PLEKHH1: variants seen among roughly 807,000 people sequenced by gnomAD.
PLEKHH1 encodes pleckstrin homology domain-containing family H member 1.
In PLEKHH1, 104 loss-of-function variants were observed where a neutral mutation model predicts 160.0. The ratio of observed to expected loss-of-function variants is 0.65; its 90% CI spans 0.55 to 0.76. The LOEUF (loss-of-function observed/expected upper bound fraction) is 0.76. Among genes scored for constraint, PLEKHH1 ranks in the 30% least tolerant of loss-of-function variants. The probability of loss-of-function intolerance (pLI) is 0.00; values close to 1 mark genes in which losing one functional copy is unlikely to be tolerated. For synonymous variants in PLEKHH1, 619 were observed against 678.4 expected (o/e 0.91, Z 1.36); for missense variants, 1,427 against 1,724.1 (o/e 0.83, Z 3.05).
chr14:67,578,470 G>T lies in PLEKHH1; in HGVS notation c.2752-64G>T. 1 of 1,144,142 alleles carries T rather than the reference G, an allele frequency of 8.7e-7. No homozygotes were observed. The highest frequency in any genetic ancestry group is 2.5e-5 in the East Asian group (1 of 39,954). 70.9% of individuals were successfully genotyped at this position (1,144,142 alleles called of 1,614,324 possible). The stretch of plus-strand genomic sequence containing the variant: ...GAGTGCTGAAGGCTCTGTAGCTCAG[G>T]GCTATGAGGACAGGTGGTGCTGTAG... On this transcript the variant is annotated intron_variant, in intron 19 of 28. Transcript: ENST00000329153. This position sits in a 1 kb window ranked among gnomAD's most constrained non-coding sequence, Gnocchi z 5.0.
rs765012499 is a variant in PLEKHH1, at chr14:67,562,498, T to C, written c.867T>C (p.Ala289=). 8 of 1,612,388 alleles carry C rather than the reference T, an allele frequency of 5.0e-6. No individual in the cohort carries two copies. The South Asian group carries it at 8.8e-5, about 18-fold the overall frequency. ...CCTGGGGTGAGGGTCTGGTTACTGC[T>C]CAGAGAGGGATGCTCCCTGGGACAA... is the stretch of plus-strand genomic sequence containing the variant. The part of the protein sequence containing the change: ...SASWGEGLVT[A]QRGMLPGTKT... The change falls in exon 7 of 29, where the codon GCT becomes GCC. Residue 289 remains alanine (A), a synonymous_variant. Coordinates refer to ENST00000329153, the MANE Select transcript of PLEKHH1 (RefSeq NM_020715.3).
At position 67,569,155 on chromosome 14, in the gene PLEKHH1, T is replaced by A; in HGVS notation, c.1281T>A (p.Ala427=). Reference sequence around the variant, plus strand: ...TGTTTCAGGAGAGCCGGATCTATGCTGTGGCCACATCGGGCATGCGGCTCT... The same window carrying A: ...TGTTTCAGGAGAGCCGGATCTATGCAGTGGCCACATCGGGCATGCGGCTCT... ...QFSSWESRIY[A]VATSGMRLSD... The change falls in exon 8 of 29, where the codon GCT becomes GCA. Residue 427 remains alanine, a synonymous_variant. Transcript: ENST00000329153. The A allele has an allele frequency of 6.2e-7, 1 of 1,612,534 alleles. No homozygotes were observed. Among genetic ancestry groups the A allele is most frequent in the Middle Eastern group, 1.7e-4 (1 of 6,056 alleles).
intron 26 of PLEKHH1, among the ~76,000 whole-genome samples, chr14:67,584,825 C>T (rs1423373760): frequency 6.6e-6 from 1 of 152,064 alleles, no homozygotes; most frequent in Non-Finnish European, 1.5e-5. Flanking sequence ...ATTTTTTTCT[C>T]TATGTATTTA....
At chr14:67,559,503 A>T in intron 4 of PLEKHH1, 105 bp from the exon 5 acceptor site, 1 of 700,314 alleles carries the variant, frequency 1.4e-6, no homozygotes, top group Non-Finnish European at 2.6e-6. Context: ...TGGCTTTGCG[A>T]GGTCAGTGGC....
At chr14:67,558,010 C>G (rs1403892041) in intron 4 of PLEKHH1, among the ~76,000 whole-genome samples, 1 of 152,224 alleles carries the variant, frequency 6.6e-6, no homozygotes, top group Non-Finnish European at 1.5e-5. Flanking sequence ...CCTCAGAAAA[C>G]CAGGGTCTTC....
chr14:67,553,924 G>A (rs933951782), intron 2 of PLEKHH1, among the ~76,000 whole-genome samples: 7 of 152,184 alleles, frequency 4.6e-5, no homozygotes, highest in African/African-American at 9.7e-5. Flanking sequence ...AGGAAAGAAG[G>A]GATGTGGGTA....
At position 67,589,603 on chromosome 14, in the gene PLEKHH1, T is replaced by C. The variant is rs2036305925; in HGVS notation, c.*2368T>C. Reference sequence around the variant, plus strand: ...TAAGCCCTGTACAGAACACAGGCACTAGGTTGACAGACTCGTCTTTTGTAG... The same window carrying C: ...TAAGCCCTGTACAGAACACAGGCACCAGGTTGACAGACTCGTCTTTTGTAG... On this transcript the variant is annotated 3_prime_UTR_variant, in exon 29 of 29. Transcript: ENST00000329153. The C allele has an allele frequency of 4.1e-6, 4 of 986,026 alleles. No individual in the cohort carries two copies. Among genetic ancestry groups the C allele is most frequent in the Admixed American group, 1.2e-4 (2 of 16,462 alleles). 61.1% of individuals were successfully genotyped at this position (986,026 alleles called of 1,614,324 possible).
intron 26 of PLEKHH1, 176 bp from the exon 27 acceptor site, chr14:67,585,392 G>A: frequency 3.4e-6 from 2 of 582,426 alleles, no homozygotes; most frequent in Non-Finnish European, 6.1e-6. Flanking sequence ...CCTGTCACAA[G>A]CAGCCTTGTC....
In PLEKHH1 at chr14:67,562,671, A is replaced by C; in HGVS notation, c.1040A>C (p.Asn347Thr). 6.2e-7 allele frequency: 1 copy of C among 1,612,622 alleles called. No individual in the cohort carries two copies. Among genetic ancestry groups the C allele is most frequent in the Non-Finnish European group, 8.5e-7 (1 of 1,179,368 alleles). Residue 347 changes from asparagine (N) to threonine (T), a missense_variant, in exon 7 of 29, where the codon AAC (asparagine) becomes ACC (threonine). By Grantham distance (65) the Asn-to-Thr change is moderately conservative (BLOSUM62 0). Transcript: ENST00000329153. The stretch of plus-strand genomic sequence containing the variant: ...CATGGGCACTTTGGCCGTGTGGTGA[A>C]CATTGAGACTGAGGCCTTCTCAGCC... ...VGHGHFGRVV[N>T]IETEAFSALH...
chr14:67,576,073 T>A lies in PLEKHH1; in HGVS notation c.2352+68T>A. On this transcript the variant is annotated intron_variant, in intron 16 of 28. Transcript: ENST00000329153. The surrounding 1 kb of genome is among the most constrained non-coding windows in gnomAD (Gnocchi z 4.0). ...TGATTCTGATCTTCCCTTCTCTCTT[T>A]CTCCTGAGCTTCCCAAAATTCAAAT... The A allele has an allele frequency of 1.6e-6, 2 of 1,262,430 alleles. No individual in the cohort carries two copies. Among genetic ancestry groups the A allele is most frequent in the Non-Finnish European group, 2.2e-6 (2 of 900,598 alleles). 78.2% of individuals were successfully genotyped at this position (1,262,430 alleles called of 1,614,324 possible).
chr14:67,579,493 A>C, intron 21 of PLEKHH1, 182 bp downstream of exon 21: 1 of 662,906 alleles, frequency 1.5e-6, no homozygotes, highest in South Asian at 2.3e-5. Context: ...GGGCCTCCAA[A>C]AGATTGTTGG....
rs1218289253 is a variant in PLEKHH1 at position 67,562,701 on chromosome 14, AC to A, written c.1074del (p.Ser359LeufsTer118). 6.2e-7 allele frequency: 1 copy of A among 1,612,620 alleles called. No homozygotes were observed. Among genetic ancestry groups the A allele is most frequent in the East Asian group, 2.2e-5 (1 of 44,830 alleles). On this transcript the variant is annotated frameshift_variant, in exon 7 of 29. Coordinates refer to ENST00000329153, the MANE Select transcript of PLEKHH1 (RefSeq NM_020715.3). LOFTEE classifies it high-confidence loss of function. ...NIETEAFSAL[H>X]PSGLPELESR... ...GAGACTGAGGCCTTCTCAGCCCTCC[AC>A]CCCTCTGGCCTTCCTGAGCTGGAGT...
rs1177396439 is a variant in PLEKHH1, at chr14:67,588,045, A to C, written c.*810A>C. ...AAAAAGAATAGACTCATTTTTCCCC[A>C]TTATTGGTATGTAGGCATTGGTACA... On this transcript the variant is annotated 3_prime_UTR_variant, in exon 29 of 29. Transcript: ENST00000329153. The C allele has an allele frequency of 6.6e-6, 1 of 152,570 alleles. No individual in the cohort carries two copies. The highest frequency in any genetic ancestry group is 1.5e-5 in the Non-Finnish European group (1 of 68,028). The allele number at this position is 152,570 out of a possible 1,614,324, so 9.5% of individuals were successfully genotyped here.
Position 67,583,731 on chromosome 14 carries a change from T to C in PLEKHH1, c.3427-10T>C, listed in dbSNP as rs775624185. On this transcript the variant is annotated splice_polypyrimidine_tract_variant and intron_variant, in intron 24 of 28. Coordinates refer to ENST00000329153, the MANE Select transcript of PLEKHH1 (RefSeq NM_020715.3). ...ATTTTGACTGGTCTCTTCATATGCT[T>C]CTACCACAGGTAGAATATGGGGACT... 6.2e-7 allele frequency: 1 copy of C among 1,608,398 alleles called. No homozygotes were observed. The highest frequency in any genetic ancestry group is 1.7e-5 in the Admixed American group (1 of 59,282).
At chr14:67,562,926 G>A in intron 7 of PLEKHH1, 32 bp downstream of exon 7, 4 of 1,594,904 alleles carry the variant, frequency 2.5e-6, no homozygotes, top group Non-Finnish European at 2.6e-6. Context: ...GGGCAGAGGA[G>A]CAGAGCTAAT....
chr14:67,562,817 G>T lies in PLEKHH1; in HGVS notation c.1186G>T (p.Ala396Ser), dbSNP rs2034904810. 1 of 1,613,818 alleles carries T rather than the reference G, an allele frequency of 6.2e-7. No individual in the cohort carries two copies. Among genetic ancestry groups the T allele is most frequent in the Admixed American group, 1.7e-5 (1 of 60,002 alleles). ...GAATGAGGAAAGAGAGAGCCCAAAG[G>T]CCCTTGGAGCTGAGCTGGAGGAAGT... ...GKNEERESPK[A>S]LGAELEEVEL... Residue 396 changes from alanine to serine, a missense_variant, in exon 7 of 29, where the codon GCC becomes TCC. Physicochemically the swap from Ala to Ser is moderately conservative, Grantham distance 99. This residue lies in a region of PLEKHH1 where 831 missense variants were observed against 929.2 expected (regional missense o/e 0.89). Coordinates refer to ENST00000329153, the MANE Select transcript of PLEKHH1 (RefSeq NM_020715.3).
chr14:67,572,889 G>A (rs2140476049), intron 11 of PLEKHH1, among the ~76,000 whole-genome samples: 1 of 152,274 alleles, frequency 6.6e-6, no homozygotes, highest in Non-Finnish European at 1.5e-5. Flanking sequence ...CCTGCTCTGT[G>A]CTGCCTGGAA....
chr14:67,543,863 G>GA (rs1011247578), intron 2 of PLEKHH1, among the ~76,000 whole-genome samples: 1 of 152,086 alleles, frequency 6.6e-6, no homozygotes, highest in Non-Finnish European at 1.5e-5. Flanking sequence ...GCTGAGCACA[G>GA]AAAAAAGTAA....
Position 67,578,117 on chromosome 14 carries a change from AC to A in PLEKHH1, c.2673del (p.Glu892SerfsTer11). ...AQTALQVCLV[H>X]PELQSEIYCQ... ...ACCGCACTGCAGGTCTGCCTGGTTCACCCCGAGCTGCAGAGTGAGATCTACT... is the reference window on the plus strand; with the variant it reads ...ACCGCACTGCAGGTCTGCCTGGTTCACCCGAGCTGCAGAGTGAGATCTACT... On this transcript the variant is annotated frameshift_variant, in exon 19 of 29. Transcript: ENST00000329153. LOFTEE classifies it high-confidence loss of function. The surrounding 1 kb of genome is among the most constrained non-coding windows in gnomAD (Gnocchi z 5.0). The A allele has an allele frequency of 6.2e-7, 1 of 1,613,756 alleles. No individual in the cohort carries two copies. The highest frequency in any genetic ancestry group is 8.5e-7 in the Non-Finnish European group (1 of 1,179,826).
Sources: gnomAD v4.1 joint callset for allele counts (sites outside exome capture counted in the v4.1 genomes callset) on GRCh38, gnomAD v4.1.1 for gene constraint, gnomAD v4.1.1 regional missense constraint, Gnocchi (gnomAD v3.1) non-coding constraint, MANE v1.5 for transcripts, NCBI Gene and HGNC (gene_info 2026-07-23, HGNC 2026-07-21) for gene names.